Variants in NEBL observed in about 807,000 individuals in gnomAD.
NEBL encodes nebulette, also known as LIM and SH3 protein 2.
Under a neutral mutation model 140.2 loss-of-function variants are expected in NEBL, and 122 were observed. The observed-to-expected ratio is 0.87, with a 90% CI of 0.75 to 1.01. NEBL has a LOEUF of 1.01. Among genes scored for constraint, NEBL ranks in the 50% least tolerant of loss-of-function variants. NEBL has a pLI of 0.00. For missense variants in NEBL, 1,365 were observed against 1,231.3 expected, an observed-to-expected ratio of 1.11 and a Z score of -1.62; for synonymous variants, 436 against 398.9, an observed-to-expected ratio of 1.09 and a Z score of -1.11.
At chr10:21,146,591 A>G (rs1839906269) in intron 2 of NEBL, 1 of 1,027,908 alleles carries the variant, frequency 9.7e-7, no homozygotes, top group African/African-American at 1.6e-5. Context: ...TTAATTACAG[A>G]AGCTCTTAGC....
chr10:20,880,334 T>C (rs1299561566), intron 5 of NEBL, among the ~76,000 whole-genome samples: 1 of 152,166 alleles, frequency 6.6e-6, no homozygotes, highest in South Asian at 2.1e-4. Flanking sequence ...CACTCCAGCC[T>C]GGGTGACAGA....
At chr10:21,190,371 C>A (rs566158450) in intron 3 of NEBL, among the ~76,000 whole-genome samples, 1 of 152,188 alleles carries the variant, frequency 6.6e-6, no homozygotes, top group African/African-American at 2.4e-5. Context: ...TTAGTCCCAG[C>A]TACTCAGGAG....
At chr10:21,061,791 A>AAT (rs1332285178) in intron 2 of NEBL, among the ~76,000 whole-genome samples, 2 of 152,162 alleles carry the variant, frequency 1.3e-5, no homozygotes, top group Non-Finnish European at 2.9e-5. Flanking sequence ...CCACCTAAAT[A>AAT]ATATGACTGC....
intron 14 of NEBL, among the ~76,000 whole-genome samples, chr10:20,833,474 G>A (rs948700413): frequency 6.6e-6 from 1 of 152,172 alleles, no homozygotes; most frequent in African/African-American, 2.4e-5. Flanking sequence ...ATATGCAAAT[G>A]AGATTTTTAT....
At chr10:21,216,499 G>A (rs937045307) in intron 3 of NEBL, among the ~76,000 whole-genome samples, 8 of 152,050 alleles carry the variant, frequency 5.3e-5, no homozygotes, top group Admixed American at 3.3e-4. Context: ...TGGGCCAGGC[G>A]CAGTGGTTCA....
chr10:20,803,498 T>C (rs1475832823), intron 26 of NEBL, among the ~76,000 whole-genome samples: 1 of 152,164 alleles, frequency 6.6e-6, no homozygotes, highest in Non-Finnish European at 1.5e-5. Context: ...ATTTTGTTTT[T>C]AAAAGTAAAT....
At chr10:21,160,287 T>TAAAAA (rs947162841) in intron 2 of NEBL, among the ~76,000 whole-genome samples, 7 of 152,028 alleles carry the variant, frequency 4.6e-5, no homozygotes, top group African/African-American at 1.7e-4. Flanking sequence ...AAATCTTGAG[T>TAAAAA]GCTTTTTACG....
At chr10:21,012,797 C>G (rs968385406) in intron 3 of NEBL, among the ~76,000 whole-genome samples, 2 of 152,088 alleles carry the variant, frequency 1.3e-5, no homozygotes, top group African/African-American at 4.8e-5. Context: ...CCTGCCCACC[C>G]AAAATACAGC....
At chr10:21,085,837 C>T (rs1395052514) in intron 2 of NEBL, among the ~76,000 whole-genome samples, 3 of 151,998 alleles carry the variant, frequency 2.0e-5, no homozygotes, top group Admixed American at 1.3e-4. Flanking sequence ...CAAAAATATG[C>T]ACTTCTCATT....
chr10:21,053,375 G>A (rs1834864505), intron 2 of NEBL, among the ~76,000 whole-genome samples: 1 of 152,066 alleles, frequency 6.6e-6, no homozygotes, highest in Non-Finnish European at 1.5e-5. Flanking sequence ...GTGAGTCCCT[G>A]CATACTCATC....
intron 2 of NEBL, among the ~76,000 whole-genome samples, chr10:21,125,496 C>G (rs1838781262): frequency 1.3e-5 from 2 of 152,160 alleles, no homozygotes; most frequent in African/African-American, 4.8e-5. Context: ...TAGCATCATT[C>G]TTGCCTTTTT....
chr10:21,273,190 C>T (rs1842879405), intron 1 of NEBL, among the ~76,000 whole-genome samples: 1 of 152,008 alleles, frequency 6.6e-6, no homozygotes, highest in Non-Finnish European at 1.5e-5. Context: ...TGAGAGTTCC[C>T]TCTCGCCCCT....
chr10:21,148,891 T>C (rs1299944689), intron 2 of NEBL, among the ~76,000 whole-genome samples: 45 of 152,136 alleles, frequency 3.0e-4, no homozygotes, highest in Non-Finnish European at 5.9e-5. Flanking sequence ...AAATATGCTC[T>C]CACCTTCCCC....
At chr10:20,949,955 T>G (rs1231437429) in intron 4 of NEBL, among the ~76,000 whole-genome samples, 4 of 152,226 alleles carry the variant, frequency 2.6e-5, no homozygotes, top group Non-Finnish European at 5.9e-5. Context: ...AAATCAATGA[T>G]TCAGTGAAGT....
At chr10:20,939,910 T>C (rs1033671247) in intron 4 of NEBL, among the ~76,000 whole-genome samples, 9 of 152,034 alleles carry the variant, frequency 5.9e-5, no homozygotes, top group Non-Finnish European at 1.0e-4. Context: ...ATGCACCCAA[T>C]ACAGGAGCAC....
At chr10:20,817,927 C>CAAAATTAACCATAAATTCCACAAAT (rs1429035973) in intron 20 of NEBL, among the ~76,000 whole-genome samples, 1 of 152,112 alleles carries the variant, frequency 6.6e-6, no homozygotes, top group East Asian at 1.9e-4. Flanking sequence ...TCTTCAATAT[C>CAAAATTAACCATAAATTCCACAAAT]AAAATTAACC....
At chr10:20,808,416 T>A (rs1014733812) in intron 26 of NEBL, 94 bp downstream of exon 26, 1 of 1,257,022 alleles carries the variant, frequency 8.0e-7, no homozygotes, top group South Asian at 1.2e-5. Context: ...CCAGGATAGA[T>A]GTTCATGCAA....
intron 22 of NEBL, among the ~76,000 whole-genome samples, chr10:20,815,211 C>T (rs1481992067): frequency 6.6e-6 from 1 of 152,176 alleles, no homozygotes; most frequent in African/African-American, 2.4e-5. Flanking sequence ...TTCTGTAAGT[C>T]TTTAGTGGGG....
chr10:20,949,766 T>C (rs1439198720), intron 4 of NEBL, among the ~76,000 whole-genome samples: 5 of 152,200 alleles, frequency 3.3e-5, no homozygotes, highest in African/African-American at 1.2e-4. Flanking sequence ...AGGACGTCTT[T>C]ATTTCCTTAT....
Sources: gnomAD v4.1 joint callset for allele counts (sites outside exome capture counted in the v4.1 genomes callset) on GRCh38, gnomAD v4.1.1 for gene constraint, MANE v1.5 for transcripts, NCBI Gene and HGNC (gene_info 2026-07-23, HGNC 2026-07-21) for gene names.